Variants in NKAIN2 observed in about 807,000 individuals in gnomAD.
The protein encoded by NKAIN2 is sodium/potassium-transporting ATPase subunit beta-1-interacting protein 2.
In NKAIN2, 14 loss-of-function variants were observed where a neutral mutation model predicts 32.6. The observed-to-expected ratio is 0.43, with a 90% CI of 0.28 to 0.67. The LOEUF is 0.67. NKAIN2 is among the 30% of genes least tolerant of loss of function. NKAIN2 has a pLI of 0.17. For missense variants in NKAIN2, 198 were observed against 258.3 expected, an observed-to-expected ratio of 0.77 and a Z score of 1.60; for synonymous variants, 80 against 87.2, an observed-to-expected ratio of 0.92 and a Z score of 0.46.
intron 1 of NKAIN2, among the ~76,000 whole-genome samples, chr6:124,089,784 G>T (rs758950716): frequency 6.6e-6 from 1 of 151,940 alleles, no homozygotes; most frequent in African/African-American, 2.4e-5. Flanking sequence ...AGGCACTAGC[G>T]TTATCTTGGC....
At chr6:124,409,420 T>G (rs1248883023) in intron 3 of NKAIN2, among the ~76,000 whole-genome samples, 2 of 152,216 alleles carry the variant, frequency 1.3e-5, no homozygotes, top group Non-Finnish European at 2.9e-5. Flanking sequence ...TTGAATTTTG[T>G]CAAAGGCCTT....
intron 4 of NKAIN2, among the ~76,000 whole-genome samples, chr6:124,682,104 C>T (rs1045257336): frequency 1.3e-5 from 2 of 151,670 alleles, no homozygotes; most frequent in African/African-American, 2.4e-5. Context: ...ATATATAAAT[C>T]CAAGCTTTTC....
chr6:124,347,632 C>T (rs1439657480), intron 2 of NKAIN2, among the ~76,000 whole-genome samples: 2 of 152,192 alleles, frequency 1.3e-5, no homozygotes, highest in Non-Finnish European at 2.9e-5. Flanking sequence ...CGCATCAGCT[C>T]CTGAGGCTTC....
intron 3 of NKAIN2, among the ~76,000 whole-genome samples, chr6:124,405,078 A>C (rs571227424): frequency 6.6e-6 from 1 of 152,322 alleles, no homozygotes; most frequent in South Asian, 2.1e-4. Flanking sequence ...TGTCCACTGC[A>C]CTACTTTTGA....
At chr6:123,934,478 G>A (rs907743727) in intron 1 of NKAIN2, among the ~76,000 whole-genome samples, 2 of 152,110 alleles carry the variant, frequency 1.3e-5, no homozygotes, top group Admixed American at 6.5e-5. Flanking sequence ...ATAGGACTTA[G>A]GTTCTAGCCA....
chr6:124,200,889 G>A (rs775763830), intron 1 of NKAIN2, among the ~76,000 whole-genome samples: 42 of 152,006 alleles, frequency 2.8e-4, no homozygotes, highest in African/African-American at 7.2e-4. Flanking sequence ...TGCCATCTGC[G>A]TGCTAATTAA....
intron 3 of NKAIN2, among the ~76,000 whole-genome samples, chr6:124,643,984 C>T (rs754357908): frequency 6.6e-6 from 1 of 152,122 alleles, no homozygotes; most frequent in Non-Finnish European, 1.5e-5. Context: ...TCTGAAATGT[C>T]ATTAGTATCA....
chr6:124,173,468 C>T (rs1388311192), intron 1 of NKAIN2, among the ~76,000 whole-genome samples: 2 of 152,018 alleles, frequency 1.3e-5, no homozygotes, highest in African/African-American at 4.8e-5. Flanking sequence ...GACTAAATTT[C>T]CTCAAAGATT....
At chr6:124,411,171 G>A (rs1257869210) in intron 3 of NKAIN2, among the ~76,000 whole-genome samples, 28 of 152,170 alleles carry the variant, frequency 1.8e-4, no homozygotes, top group African/African-American at 6.5e-4. Flanking sequence ...GGAGCATTTA[G>A]CCCATTTACA....
intron 3 of NKAIN2, among the ~76,000 whole-genome samples, chr6:124,554,211 C>T (rs900744140): frequency 2.0e-5 from 3 of 152,166 alleles, no homozygotes; most frequent in Admixed American, 6.5e-5. Context: ...CCTGGAGGTA[C>T]GTTTCACAGC....
intron 1 of NKAIN2, among the ~76,000 whole-genome samples, chr6:124,048,394 TA>T (rs1782244321): frequency 6.6e-6 from 1 of 151,972 alleles, no homozygotes; most frequent in African/African-American, 2.4e-5. Flanking sequence ...ATGAATATAA[TA>T]AATAAGAAGA....
chr6:124,780,887 G>A (rs190286506), intron 4 of NKAIN2, among the ~76,000 whole-genome samples: 97 of 152,280 alleles, frequency 6.4e-4, no homozygotes, highest in Non-Finnish European at 1.2e-3. Flanking sequence ...CACTGAAATG[G>A]TAATTAAATG....
chr6:124,313,786 T>C (rs1219633232), intron 2 of NKAIN2, among the ~76,000 whole-genome samples: 3 of 152,178 alleles, frequency 2.0e-5, no homozygotes, highest in Non-Finnish European at 2.9e-5. Context: ...GATCTTTCAA[T>C]AGCCTCATGA....
intron 1 of NKAIN2, among the ~76,000 whole-genome samples, chr6:124,174,148 T>C (rs1197008273): frequency 6.6e-6 from 1 of 152,178 alleles, no homozygotes; most frequent in South Asian, 2.1e-4. Flanking sequence ...GAATATTTGA[T>C]ATGAGCGAGG....
intron 1 of NKAIN2, among the ~76,000 whole-genome samples, chr6:123,915,701 A>C (rs756648476): frequency 1.3e-5 from 2 of 152,152 alleles, no homozygotes; most frequent in Non-Finnish European, 2.9e-5. Flanking sequence ...TAGATAAACA[A>C]GTTCTTCAGG....
intron 3 of NKAIN2, among the ~76,000 whole-genome samples, chr6:124,368,168 A>G (rs541289119): frequency 1.3e-5 from 2 of 152,232 alleles, no homozygotes; most frequent in South Asian, 2.1e-4. Context: ...ATTATAATTG[A>G]ATTTTCAGAA....
At chr6:123,966,178 T>C (rs532502357) in intron 1 of NKAIN2, among the ~76,000 whole-genome samples, 158 of 152,310 alleles carry the variant, frequency 1.0e-3, no homozygotes, top group African/African-American at 3.7e-3. Context: ...GTGATTCCTC[T>C]TTTGTCAGCT....
chr6:124,276,688 T>G (rs1040262633), intron 1 of NKAIN2, among the ~76,000 whole-genome samples: 3 of 152,184 alleles, frequency 2.0e-5, no homozygotes, highest in Non-Finnish European at 4.4e-5. Context: ...TTGTGATATT[T>G]TAGGCAATCT....
intron 1 of NKAIN2, among the ~76,000 whole-genome samples, chr6:123,944,123 GTTC>G (rs1288421666): frequency 1.3e-5 from 2 of 151,942 alleles, no homozygotes; most frequent in African/African-American, 2.4e-5. Context: ...TCAGTCCTTT[GTTC>G]TTCTTCAATA....
Sources: allele counts gnomAD v4.1 joint callset (sites outside exome capture counted in the v4.1 genomes callset), GRCh38; gene constraint gnomAD v4.1.1; transcripts MANE v1.5; gene names NCBI Gene and HGNC (gene_info 2026-07-23, HGNC 2026-07-21).